SAMSN1: variants seen among roughly 807,000 people sequenced by gnomAD.
SAMSN1 encodes SAM domain-containing protein SAMSN-1.
SAMSN1 carries 31 observed loss-of-function variants against 42.0 expected under a neutral mutation model. The observed-to-expected ratio is 0.74, with a 90% confidence interval of 0.55 to 1.00. The LOEUF (loss-of-function observed/expected upper bound fraction) is 1.00. SAMSN1 is among the 50% of genes least tolerant of loss of function. The pLI is 0.00. For missense variants in SAMSN1, 464 were observed against 439.4 expected, an observed-to-expected ratio of 1.06 and a Z score of -0.50; for synonymous variants, 178 against 151.9, an observed-to-expected ratio of 1.17 and a Z score of -1.26.
intron 1 of SAMSN1, among the ~76,000 whole-genome samples, chr21:14,532,716 T>G (rs1410741527): frequency 1.3e-5 from 2 of 152,144 alleles, no homozygotes; most frequent in Non-Finnish European, 1.5e-5. Context: ...GTAATGACTT[T>G]TTCATAATTG....
In SAMSN1 at chr21:14,618,395, T is replaced by G. The variant is rs1190116732; in HGVS notation, c.157-2379A>C. On this transcript the variant is annotated intron_variant, in intron 2 of 15. Coordinates refer to the SAMSN1 transcript ENST00000647101. ...GAGGGATTACTTAAACAGGCCAACA[T>G]CTACTTAATTAGAATAATAGGTCTA... Among the ~76,000 whole-genome samples the G allele has an allele frequency of 2.0e-5, 3 of 152,200 alleles. No individual in the cohort carries two copies. In the East Asian group the frequency reaches 5.8e-4, roughly 29 times the overall value.
chr21:14,530,067 A>T (rs1288737054), intron 1 of SAMSN1, among the ~76,000 whole-genome samples: 1 of 152,262 alleles, frequency 6.6e-6, no homozygotes, highest in Non-Finnish European at 1.5e-5. Flanking sequence ...CTGCAATCCC[A>T]GCACTTTGGG....
intron 2 of SAMSN1, among the ~76,000 whole-genome samples, chr21:14,555,741 T>C (rs528564042): frequency 6.6e-6 from 1 of 152,300 alleles, no homozygotes; most frequent in South Asian, 2.1e-4. Flanking sequence ...AAGTTTTTAT[T>C]AAAAATCTTC....
chr21:14,616,822 G>A (rs1269448144), intron 2 of SAMSN1, among the ~76,000 whole-genome samples: 1 of 152,082 alleles, frequency 6.6e-6, no homozygotes, highest in Non-Finnish European at 1.5e-5. Context: ...AAACACAAAT[G>A]CTAAGGCTAA....
upstream of SAMSN1, among the ~76,000 whole-genome samples, chr21:14,546,669 T>A (rs1380264078): frequency 4.1e-5 from 6 of 145,848 alleles, no homozygotes; most frequent in Non-Finnish European, 7.5e-5. Context: ...TTCTATTATT[T>A]AAAAAAAAAA....
chr21:14,490,484 A>G (rs965182715), intron 7 of SAMSN1, among the ~76,000 whole-genome samples: 1 of 152,150 alleles, frequency 6.6e-6, no homozygotes, highest in African/African-American at 2.4e-5. Context: ...TCAGGTAACT[A>G]TGGCTATATT....
intron 1 of SAMSN1, among the ~76,000 whole-genome samples, chr21:14,525,817 A>G (rs1387028775): frequency 6.6e-6 from 1 of 152,208 alleles, no homozygotes; most frequent in African/African-American, 2.4e-5. Context: ...ATATTTCTAT[A>G]TAATAGCTAA....
chr21:14,609,124 G>C (rs981853024), intron 5 of SAMSN1, among the ~76,000 whole-genome samples: 2 of 151,888 alleles, frequency 1.3e-5, no homozygotes, highest in Non-Finnish European at 2.9e-5. Context: ...ACATATCAAT[G>C]TTATCTTTAG....
In SAMSN1 at chr21:14,530,522, C is replaced by G. The variant is rs116085759; in HGVS notation, c.58-9301G>C. 9.4e-3 allele frequency among the ~76,000 whole-genome samples: 1,435 copies of G among 152,182 alleles called. 17 individuals carry two copies. Among genetic ancestry groups the G allele is most frequent in the Middle Eastern group, 0.027 (8 of 294 alleles). On this transcript the variant is annotated intron_variant, in intron 1 of 7. Transcript: ENST00000400566. ...AAATACTGTCTCTAGTAAACATAATCATTTAGGTCACTATAAAAATATTTT... is the reference window on the plus strand; with the variant it reads ...AAATACTGTCTCTAGTAAACATAATGATTTAGGTCACTATAAAAATATTTT...
At chr21:14,555,488 G>A (rs541591463) in intron 2 of SAMSN1, among the ~76,000 whole-genome samples, 1 of 152,140 alleles carries the variant, frequency 6.6e-6, no homozygotes, top group Non-Finnish European at 1.5e-5. Flanking sequence ...AGCAGGTATT[G>A]ATTCCTGTCA....
In SAMSN1 at chr21:14,602,028, A is replaced by C. The variant is rs555435992; in HGVS notation, c.394T>G (p.Tyr132Asp). 24 of 689,340 alleles carry C rather than the reference A, an allele frequency of 3.5e-5. 1 individual carries two copies. In the Middle Eastern group the frequency reaches 1.2e-3, roughly 34 times the overall value. 42.7% of individuals were successfully genotyped at this position (689,340 alleles called of 1,614,324 possible). Reference sequence around the variant, plus strand: ...ATGCTGATTATTCACATTACCTGATAGGAAGTTCCTTGTAGAGTTTTTCCT... The same window carrying C: ...ATGCTGATTATTCACATTACCTGATCGGAAGTTCCTTGTAGAGTTTTTCCT... Residue 132 changes from tyrosine to aspartate, a missense_variant, in exon 6 of 16, where the codon TAT becomes GAT. Transcript: ENST00000647101.
intron 1 of SAMSN1, among the ~76,000 whole-genome samples, chr21:14,521,846 G>A (rs1366528024): frequency 6.6e-6 from 1 of 151,346 alleles, no homozygotes; most frequent in African/African-American, 2.4e-5. Context: ...TGTACATCCT[G>A]TACATGTACC....
intron 1 of SAMSN1, among the ~76,000 whole-genome samples, chr21:14,527,534 A>G (rs976086406): frequency 1.3e-5 from 2 of 152,130 alleles, no homozygotes; most frequent in African/African-American, 4.8e-5. Flanking sequence ...GTACATCTGG[A>G]CTCTAAGAAC....
At chr21:14,491,022 A>C (rs1334487478) in intron 7 of SAMSN1, among the ~76,000 whole-genome samples, 1 of 152,206 alleles carries the variant, frequency 6.6e-6, no homozygotes, top group Non-Finnish European at 1.5e-5. Flanking sequence ...TACCCTCCTC[A>C]GTTAAAGTTG....
chr21:14,611,175 T>G (rs1982697793), intron 4 of SAMSN1, among the ~76,000 whole-genome samples: 1 of 152,140 alleles, frequency 6.6e-6, no homozygotes. Context: ...ACCCTCTAGA[T>G]TCTCCATCAT....
upstream of SAMSN1, among the ~76,000 whole-genome samples, chr21:14,586,334 A>G (rs1419703374): frequency 6.6e-6 from 1 of 151,472 alleles, no homozygotes; most frequent in East Asian, 1.9e-4. Context: ...AACCCTATTT[A>G]TCTCAATTCT....
At chr21:14,585,827 C>T (rs1487710750), upstream of SAMSN1, among the ~76,000 whole-genome samples, 1 of 152,112 alleles carries the variant, frequency 6.6e-6, no homozygotes, top group Non-Finnish European at 1.5e-5. Flanking sequence ...ATACTAGACT[C>T]ATTACTTTCT....
At chr21:14,650,095 G>A (rs6516928) in intron 1 of SAMSN1, among the ~76,000 whole-genome samples, 16,225 of 152,078 alleles carry the variant, frequency 0.11, 1,205 homozygotes, top group African/African-American at 0.2. Context: ...ATAATAGCTA[G>A]AGACTTTAAC....
At chr21:14,583,880 T>A (rs904303553), upstream of SAMSN1, 1 of 599,816 alleles carries the variant, frequency 1.7e-6, no homozygotes, top group Admixed American at 3.0e-5. Context: ...AATGTGACCT[T>A]AAAACCTGAA....
Sources: allele counts gnomAD v4.1 joint callset (sites outside exome capture counted in the v4.1 genomes callset), GRCh38; gene constraint gnomAD v4.1.1; transcripts MANE v1.5; gene names NCBI Gene and HGNC (gene_info 2026-07-23, HGNC 2026-07-21).